The following GHR variants were observed in gnomAD, a reference collection of about 807,000 sequenced individuals.
GHR encodes the protein growth hormone receptor, also known as GH receptor.
A neutral mutation model predicts 67.1 loss-of-function variants in GHR; 35 were observed. The ratio of observed to expected loss-of-function variants is 0.52; its 90% confidence interval spans 0.40 to 0.69. GHR has a LOEUF of 0.69. Ranked by LOEUF, GHR falls within the 30% of genes least tolerant of loss-of-function variation. The pLI is 0.00. For synonymous variants in GHR, 272 were observed against 269.1 expected (o/e 1.01, Z -0.10); for missense variants, 792 against 764.6 (o/e 1.04, Z -0.42).
At chr5:42,688,271 A>C (rs1757254213) in intron 3 of GHR, among the ~76,000 whole-genome samples, 1 of 152,218 alleles carries the variant, frequency 6.6e-6, no homozygotes, top group Non-Finnish European at 1.5e-5. Context: ...CCTGCCGGGC[A>C]GACTCAGGTG....
chr5:42,566,133 A>G (rs1749920388), intron 2 of GHR, among the ~76,000 whole-genome samples, 189 bp downstream of exon 2: 1 of 152,372 alleles, frequency 6.6e-6, no homozygotes, highest in East Asian at 1.9e-4. Flanking sequence ...GGAGGAATGC[A>G]GTAGTCAGTC....
intron 7 of GHR, among the ~76,000 whole-genome samples, chr5:42,712,120 CAG>C (rs2111823608): frequency 6.6e-6 from 1 of 152,122 alleles, no homozygotes; most frequent in Admixed American, 6.5e-5. Flanking sequence ...TCATTGAAAA[CAG>C]AAGTTTACAG....
Position 42,468,452 on chromosome 5 carries a change from G to T in GHR, c.-12+44497G>T, listed in dbSNP as rs1212423440. Reference sequence around the variant, plus strand: ...CAGGGCCAAGATGAGTATTGCCTACGTGCGCAGCTGAGAGGCCCGACCAGA... The same window carrying T: ...CAGGGCCAAGATGAGTATTGCCTACTTGCGCAGCTGAGAGGCCCGACCAGA... On this transcript the variant is annotated intron_variant, in intron 1 of 9. Transcript: ENST00000230882. 3 of 881,040 alleles carry T rather than the reference G, an allele frequency of 3.4e-6. No individual in the cohort carries two copies. The East Asian group carries it at 7.5e-5, about 22-fold the overall frequency. 54.6% of individuals were successfully genotyped at this position (881,040 alleles called of 1,614,324 possible). A position where few individuals can be genotyped will look rare whatever the true frequency, so the allele number is the denominator to read the frequency against.
intron 3 of GHR, among the ~76,000 whole-genome samples, chr5:42,663,210 T>C (rs1477134969): frequency 1.3e-5 from 2 of 152,080 alleles, no homozygotes; most frequent in South Asian, 2.1e-4. Flanking sequence ...TTCCAATCAA[T>C]AGAAAAAGAA....
At chr5:42,573,883 A>C (rs923798160) in intron 2 of GHR, among the ~76,000 whole-genome samples, 1 of 152,206 alleles carries the variant, frequency 6.6e-6, no homozygotes, top group Admixed American at 6.5e-5. Flanking sequence ...AAAACCTTCC[A>C]AATTTGTGGA....
chr5:42,426,939 G>T (rs1462254347), intron 1 of GHR, among the ~76,000 whole-genome samples: 2 of 152,002 alleles, frequency 1.3e-5, no homozygotes, highest in Admixed American at 6.6e-5. Context: ...TTTTTCATTG[G>T]TCAGTCCATT....
chr5:42,466,056 C>A, intron 1 of GHR: 1 of 414,120 alleles, frequency 2.4e-6, no homozygotes, highest in Non-Finnish European at 4.4e-6. Context: ...TTCTTTGATT[C>A]CTCTATCCAG....
At chr5:42,528,926 A>G (rs1747828097) in intron 1 of GHR, among the ~76,000 whole-genome samples, 1 of 152,160 alleles carries the variant, frequency 6.6e-6, no homozygotes, top group Admixed American at 6.5e-5. Context: ...GCAATAAAGT[A>G]TTTTTAAATT....
chr5:42,576,075 AAAATAAAATAAAATAAAATAAAAT>A (rs1228990117), intron 2 of GHR, among the ~76,000 whole-genome samples: 6 of 90,232 alleles, frequency 6.6e-5, no homozygotes, highest in African/African-American at 3.0e-4. Flanking sequence ...AAAATAAAAT[AAAATAAAATAAAATAAAATAAAAT>A]AAATAAAATA....
chr5:42,682,722 G>A (rs1178993145), intron 3 of GHR, among the ~76,000 whole-genome samples: 1 of 152,176 alleles, frequency 6.6e-6, no homozygotes, highest in Non-Finnish European at 1.5e-5. Context: ...AAGAAAAGTG[G>A]CTTGTGTCAT....
chr5:42,646,460 T>TA (rs1754733983), intron 3 of GHR: 1 of 358,728 alleles, frequency 2.8e-6, no homozygotes, highest in Admixed American at 3.5e-5. Flanking sequence ...CTTTTTTTTT[T>TA]ATTTACCCAG....
At chr5:42,478,758 T>A (rs910065388) in intron 1 of GHR, among the ~76,000 whole-genome samples, 1 of 152,240 alleles carries the variant, frequency 6.6e-6, no homozygotes, top group Non-Finnish European at 1.5e-5. Context: ...TTGCTGAAGT[T>A]GCTTATCAGC....
intron 1 of GHR, among the ~76,000 whole-genome samples, chr5:42,498,535 T>G (rs1256198575): frequency 6.6e-6 from 1 of 152,216 alleles, no homozygotes; most frequent in Non-Finnish European, 1.5e-5. Flanking sequence ...CTATAAGCAT[T>G]ATAGTCTCAT....
At chr5:42,578,283 C>G (rs780197446) in intron 2 of GHR, among the ~76,000 whole-genome samples, 7 of 152,198 alleles carry the variant, frequency 4.6e-5, no homozygotes, top group Non-Finnish European at 7.3e-5. Flanking sequence ...ATTGAACTGA[C>G]AGTCCCCAGG....
Position 42,700,004 on chromosome 5 carries a change from T to C in GHR, c.618+2T>C. 6.4e-7 allele frequency: 1 copy of C among 1,567,360 alleles called. No homozygotes were observed. Among genetic ancestry groups the C allele is most frequent in the Non-Finnish European group, 8.8e-7 (1 of 1,137,754 alleles). On this transcript the variant is annotated splice_donor_variant, in intron 6 of 9. Coordinates refer to ENST00000230882, the MANE Select transcript of GHR (RefSeq NM_000163.5). LOFTEE classifies it high-confidence loss of function. ...GTAAATGAAACTAAATGGAAAATGG[T>C]AAGATGTTGCTACACCTTACACTTT...
intron 1 of GHR, among the ~76,000 whole-genome samples, chr5:42,562,640 GTTCCTTTT>G (rs1182480191): frequency 1.5e-5 from 2 of 135,286 alleles, no homozygotes; most frequent in African/African-American, 2.7e-5. Context: ...AAGTGTTATA[GTTCCTTTT>G]TTTTTTTTTT....
chr5:42,682,405 G>A (rs1404107754), intron 3 of GHR, among the ~76,000 whole-genome samples: 2 of 152,198 alleles, frequency 1.3e-5, no homozygotes, highest in Admixed American at 6.5e-5. Flanking sequence ...AGACCTAAGA[G>A]TCTATAGTAG....
intron 2 of GHR, among the ~76,000 whole-genome samples, chr5:42,593,122 G>A (rs373288336): frequency 6.6e-5 from 10 of 151,986 alleles, no homozygotes; most frequent in Non-Finnish European, 1.0e-4. Flanking sequence ...TCCAATAATC[G>A]ATTTTTTAAA....
chr5:42,493,762 T>C (rs1001995987), intron 1 of GHR, among the ~76,000 whole-genome samples: 4 of 152,230 alleles, frequency 2.6e-5, no homozygotes, highest in African/African-American at 9.6e-5. Flanking sequence ...GATTCCGCTC[T>C]TATTTGTCAA....
Sources: allele counts gnomAD v4.1 joint callset (sites outside exome capture counted in the v4.1 genomes callset), GRCh38; gene constraint gnomAD v4.1.1; transcripts MANE v1.5; gene names NCBI Gene and HGNC (gene_info 2026-07-23, HGNC 2026-07-21).